Variants in PTPRG observed in about 807,000 individuals in gnomAD.
PTPRG encodes the protein protein tyrosine phosphatase receptor type G, also known as receptor-type tyrosine-protein phosphatase gamma.
A neutral mutation model predicts 165.3 loss-of-function variants in PTPRG; 102 were observed. The ratio of observed to expected loss-of-function variants is 0.62; its 90% CI spans 0.53 to 0.73. The LOEUF (loss-of-function observed/expected upper bound fraction) is 0.73, where lower values mean the gene tolerates loss of function less well. Among genes scored for constraint, PTPRG ranks in the 30% least tolerant of loss-of-function variants. The pLI, the probability that PTPRG is intolerant of heterozygous loss-of-function variation, is 0.00. For synonymous variants in PTPRG, 675 were observed against 669.5 expected (o/e 1.01, Z -0.13); for missense variants, 1,866 against 1,861.4 (o/e 1.00, Z -0.05).
At position 61,699,974 on chromosome 3, in the gene PTPRG, A is replaced by G. The variant is rs145951281; in HGVS notation, c.86-48904A>G. Among the ~76,000 whole-genome samples the G allele has an allele frequency of 9.6e-4, 146 of 152,232 alleles. 1 individual carries two copies. Among genetic ancestry groups the G allele is most frequent in the African/African-American group, 3.4e-3 (141 of 41,548 alleles). ...GGGTTTTCAAGAACAAATATTTCCT[A>G]CTTAAGTTTTGAGGGCCCTTCAAGT... On this transcript the variant is annotated intron_variant, in intron 1 of 29. Coordinates refer to ENST00000474889, the MANE Select transcript of PTPRG (RefSeq NM_002841.4).
intron 5 of PTPRG, among the ~76,000 whole-genome samples, chr3:62,105,561 G>A (rs1320983208): frequency 1.3e-5 from 2 of 152,138 alleles, no homozygotes; most frequent in African/African-American, 4.8e-5. Context: ...TAGTTTACTT[G>A]TCTAGAGAGG....
intron 5 of PTPRG, among the ~76,000 whole-genome samples, chr3:62,115,513 C>A (rs1488604870): frequency 6.6e-6 from 1 of 152,096 alleles, no homozygotes; most frequent in Admixed American, 6.6e-5. Flanking sequence ...GATAGCCAAA[C>A]CCAAAGAGAA....
chr3:61,839,024 G>A (rs1161077301), intron 2 of PTPRG, among the ~76,000 whole-genome samples: 1 of 152,174 alleles, frequency 6.6e-6, no homozygotes, highest in Non-Finnish European at 1.5e-5. Context: ...TAAGCATTGA[G>A]AGGAGTTTTC....
chr3:61,754,664 G>A (rs2033573416), intron 2 of PTPRG, among the ~76,000 whole-genome samples: 2 of 152,184 alleles, frequency 1.3e-5, no homozygotes, highest in Admixed American at 6.5e-5. Flanking sequence ...ATGAAATTCA[G>A]ATAAATTAGT....
intron 4 of PTPRG, among the ~76,000 whole-genome samples, chr3:62,023,211 C>T (rs1402826546): frequency 6.6e-6 from 1 of 151,934 alleles, no homozygotes; most frequent in Non-Finnish European, 1.5e-5. Flanking sequence ...TTGAATTAAC[C>T]TCAGATATAA....
At chr3:61,780,769 T>C (rs2034524411) in intron 2 of PTPRG, among the ~76,000 whole-genome samples, 1 of 152,214 alleles carries the variant, frequency 6.6e-6, no homozygotes, top group Non-Finnish European at 1.5e-5. Context: ...TCATTAACCA[T>C]TTGAAAAACT....
chr3:62,197,295 A>G (rs1699989156), intron 10 of PTPRG, among the ~76,000 whole-genome samples: 1 of 152,138 alleles, frequency 6.6e-6, no homozygotes, highest in African/African-American at 2.4e-5. Flanking sequence ...CCCCCTTAGT[A>G]TTAGTATATA....
At chr3:61,895,424 T>C (rs1310118184) in intron 2 of PTPRG, among the ~76,000 whole-genome samples, 4 of 152,244 alleles carry the variant, frequency 2.6e-5, no homozygotes, top group South Asian at 2.1e-4. Context: ...TTCTTAGATC[T>C]GCTGGCCTAT....
chr3:62,080,554 C>G (rs1369673685), intron 5 of PTPRG, among the ~76,000 whole-genome samples: 1 of 152,178 alleles, frequency 6.6e-6, no homozygotes, highest in African/African-American at 2.4e-5. Context: ...CAGATGCACC[C>G]TCGCTTCCTT....
At chr3:61,887,170 A>ATATATTTTTTTTTT (rs60282456) in intron 2 of PTPRG, among the ~76,000 whole-genome samples, 8 of 115,532 alleles carry the variant, frequency 6.9e-5, no homozygotes, top group African/African-American at 2.0e-4. Flanking sequence ...ATATATATAT[A>ATATATTTTTTTTTT]TTTTTAATGC....
chr3:61,608,519 T>C (rs1230095241), intron 1 of PTPRG, among the ~76,000 whole-genome samples: 1 of 152,176 alleles, frequency 6.6e-6, no homozygotes, highest in East Asian at 1.9e-4. Context: ...CACCCACAAC[T>C]GCATGTGGCA....
chr3:61,953,327 A>C (rs1024963520), intron 2 of PTPRG, among the ~76,000 whole-genome samples: 9 of 152,212 alleles, frequency 5.9e-5, no homozygotes, highest in Admixed American at 5.9e-4. Context: ...AAATAGAGAG[A>C]AACTAGATAC....
At chr3:62,188,060 G>A (rs1234997893) in intron 8 of PTPRG, among the ~76,000 whole-genome samples, 1 of 152,148 alleles carries the variant, frequency 6.6e-6, no homozygotes, top group Non-Finnish European at 1.5e-5. Context: ...CCCATGAGTT[G>A]TTGAGTAAAA....
intron 4 of PTPRG, among the ~76,000 whole-genome samples, chr3:62,030,686 G>T (rs1254586112): frequency 2.6e-5 from 4 of 152,174 alleles, no homozygotes; most frequent in Non-Finnish European, 5.9e-5. Flanking sequence ...TGCACTCATG[G>T]ACAGTTAATG....
chr3:62,080,592 C>A (rs560932484), intron 5 of PTPRG, among the ~76,000 whole-genome samples: 2 of 152,264 alleles, frequency 1.3e-5, no homozygotes, highest in African/African-American at 4.8e-5. Context: ...GTGCTCAGAC[C>A]TCCAAGATTC....
chr3:62,149,923 C>G (rs1458988738), intron 6 of PTPRG, among the ~76,000 whole-genome samples: 1 of 152,186 alleles, frequency 6.6e-6, no homozygotes, highest in Non-Finnish European at 1.5e-5. Flanking sequence ...TTCCCTCCTG[C>G]TTACTTCACT....
chr3:61,904,234 T>C (rs968827574), intron 2 of PTPRG, among the ~76,000 whole-genome samples: 2 of 152,164 alleles, frequency 1.3e-5, no homozygotes, highest in African/African-American at 2.4e-5. Flanking sequence ...CACTTGAAAC[T>C]GGGCCCTGCT....
At chr3:61,618,580 GC>G (rs1200759592) in intron 1 of PTPRG, among the ~76,000 whole-genome samples, 8 of 152,134 alleles carry the variant, frequency 5.3e-5, no homozygotes, top group Admixed American at 5.2e-4. Flanking sequence ...CAGAAGTTTA[GC>G]AGTGGATGTC....
intron 2 of PTPRG, among the ~76,000 whole-genome samples, chr3:61,757,905 A>T (rs1299865235): frequency 6.6e-6 from 1 of 152,152 alleles, no homozygotes; most frequent in East Asian, 1.9e-4. Flanking sequence ...TCAAAGGAAA[A>T]ATATACCTAG....
Sources: gnomAD v4.1 joint callset for allele counts (sites outside exome capture counted in the v4.1 genomes callset) on GRCh38, gnomAD v4.1.1 for gene constraint, MANE v1.5 for transcripts, NCBI Gene and HGNC (gene_info 2026-07-23, HGNC 2026-07-21) for gene names.